HIPK1: variants seen among roughly 807,000 people sequenced by gnomAD.
HIPK1 encodes homeodomain-interacting protein kinase 1.
A neutral mutation model predicts 117.1 loss-of-function variants in HIPK1; 28 were observed. The ratio of observed to expected loss-of-function variants is 0.24; its 90% CI spans 0.18 to 0.33. The LOEUF is 0.33. Among genes scored for constraint, HIPK1 ranks in the 10% least tolerant of loss-of-function variants. The pLI, the probability that HIPK1 is intolerant of heterozygous loss-of-function variation, is 1.00. For synonymous variants in HIPK1, 605 were observed against 562.5 expected (o/e 1.08, Z -1.07); for missense variants, 1,122 against 1,475.1 (o/e 0.76, Z 3.92).
chr1:113,966,202 C>T lies in HIPK1; in HGVS notation c.2311C>T (p.His771Tyr). The part of the protein sequence containing the change: ...TWQQLPGVAL[H>Y]NSVQPTAMIP... ...GCAACAGTTGCCTGGGGTAGCTCTA[C>T]ACAACTCTGTCCAGCCCACAGCAAT... Residue 771 changes from histidine to tyrosine, a missense_variant, in exon 11 of 16, where the codon CAC becomes TAC. Coordinates refer to ENST00000426820, the MANE Select transcript of HIPK1 (RefSeq NM_198268.3). 6.2e-7 allele frequency: 1 copy of T among 1,614,132 alleles called. No individual in the cohort carries two copies. The highest frequency in any genetic ancestry group is 8.5e-7 in the Non-Finnish European group (1 of 1,179,984).
intron 1 of HIPK1, 179 bp downstream of exon 1, chr1:113,929,711 A>AG (rs1669709574): frequency 2.5e-6 from 2 of 803,138 alleles, no homozygotes; most frequent in African/African-American, 2.1e-5. Flanking sequence ...CGCGGGGCTG[A>AG]GGCGGCGGCG....
At chr1:113,938,606 T>C (rs373743130) in intron 1 of HIPK1, among the ~76,000 whole-genome samples, 31 of 152,064 alleles carry the variant, frequency 2.0e-4, no homozygotes, top group African/African-American at 7.2e-4. Context: ...GAAAAAGGGC[T>C]GATTTGAAAT....
rs1670644213 is a variant in HIPK1, at chr1:113,941,650, C to T, written c.1076+191C>T. ...TTTATTTCTGAAATTTTATCTAGCA[C>T]TGGAAAAATTAACTCAGTCTGATTC... On this transcript the variant is annotated intron_variant, in intron 2 of 15. Coordinates refer to ENST00000426820, the MANE Select transcript of HIPK1 (RefSeq NM_198268.3). The surrounding 1 kb of genome is among the most constrained non-coding windows in gnomAD (Gnocchi z 4.9). Among the ~76,000 whole-genome samples the T allele has an allele frequency of 6.6e-6, 1 of 152,144 alleles. No individual in the cohort carries two copies. Among genetic ancestry groups the T allele is most frequent in the Non-Finnish European group, 1.5e-5 (1 of 68,028 alleles).
chr1:113,958,033 ACAAG>A lies in HIPK1; in HGVS notation c.1756-32_1756-29del. The stretch of plus-strand genomic sequence containing the variant: ...AAATTATTGTGTGTCTCTACTTAAT[ACAAG>A]TGTACAAATATAATCCTTTTGTTTT... On this transcript the variant is annotated intron_variant, in intron 7 of 15. Coordinates refer to ENST00000426820, the MANE Select transcript of HIPK1 (RefSeq NM_198268.3). The A allele has an allele frequency of 7.7e-6, 11 of 1,420,676 alleles. 1 individual carries two copies. In the South Asian group the frequency reaches 1.3e-4, roughly 16 times the overall value. The allele number at this position is 1,420,676 out of a possible 1,614,324, so 88.0% of individuals were successfully genotyped here.
At chr1:113,934,467 A>T (rs1558122965) in intron 1 of HIPK1, among the ~76,000 whole-genome samples, 1 of 152,162 alleles carries the variant, frequency 6.6e-6, no homozygotes, top group Non-Finnish European at 1.5e-5. Flanking sequence ...GATTCTAGCT[A>T]TTATCTTTTA....
intron 7 of HIPK1, 80 bp downstream of exon 7, chr1:113,957,366 A>G (rs1671793509): frequency 1.7e-6 from 2 of 1,198,748 alleles, no homozygotes; most frequent in Non-Finnish European, 1.2e-6. Context: ...TAAAGAACCA[A>G]TTTTTGTTTT....
intron 1 of HIPK1, chr1:113,930,073 G>T (rs1057311458): frequency 4.5e-5 from 43 of 954,476 alleles, no homozygotes; most frequent in Non-Finnish European, 5.2e-5. Context: ...AAGGGCCCCT[G>T]CCTGGGACCG....
At chr1:113,933,640 T>A (rs550367498) in intron 1 of HIPK1, among the ~76,000 whole-genome samples, 5 of 152,044 alleles carry the variant, frequency 3.3e-5, no homozygotes, top group African/African-American at 1.2e-4. Context: ...GAGGCTGAGG[T>A]AGGTGGATCA....
chr1:113,957,939 T>G (rs947357656), intron 7 of HIPK1, 127 bp from the exon 8 acceptor site: 10 of 711,058 alleles, frequency 1.4e-5, no homozygotes, highest in Non-Finnish European at 2.3e-5. Flanking sequence ...AGAGAGTTAT[T>G]TCAGAGGCAG....
intron 10 of HIPK1, 32 bp downstream of exon 10, chr1:113,963,553 G>A (rs770266921): frequency 3.2e-6 from 5 of 1,565,546 alleles, no homozygotes; most frequent in Non-Finnish European, 3.5e-6. Flanking sequence ...TGTTACTAAC[G>A]GAGTTTCTTT....
intron 1 of HIPK1, among the ~76,000 whole-genome samples, chr1:113,935,763 T>G (rs1670210140): frequency 6.6e-6 from 1 of 152,258 alleles, no homozygotes; most frequent in Non-Finnish European, 1.5e-5. Context: ...TTTGCATTTC[T>G]CTAATGATTA....
chr1:113,936,680 G>A (rs1393835216), intron 1 of HIPK1, among the ~76,000 whole-genome samples: 1 of 152,182 alleles, frequency 6.6e-6, no homozygotes, highest in East Asian at 1.9e-4. Context: ...GGTCAGGTTG[G>A]TCTCGAACTC....
chr1:113,938,061 C>T (rs1670365646), intron 1 of HIPK1, among the ~76,000 whole-genome samples: 1 of 151,342 alleles, frequency 6.6e-6, no homozygotes, highest in South Asian at 2.1e-4. Flanking sequence ...ATGTCCCAGA[C>T]TCAGATGATT....
chr1:113,934,989 C>CAAAA (rs752015521), intron 1 of HIPK1, among the ~76,000 whole-genome samples: 27 of 67,766 alleles, frequency 4.0e-4, no homozygotes, highest in African/African-American at 1.6e-3. Flanking sequence ...GAACCTGTCT[C>CAAAA]AAAAAAAAAA....
intron 15 of HIPK1, 118 bp from the exon 16 acceptor site, chr1:113,972,906 T>G: frequency 9.5e-7 from 1 of 1,052,978 alleles, no homozygotes; most frequent in Admixed American, 2.9e-5. Flanking sequence ...GTGTGGGAGA[T>G]TATGTGCTAT....
At position 113,956,720 on chromosome 1, in the gene HIPK1, A is replaced by G. The variant is rs1302128952; in HGVS notation, c.1501A>G (p.Ile501Val). 6.2e-7 allele frequency: 1 copy of G among 1,613,868 alleles called. No individual in the cohort carries two copies. Among genetic ancestry groups the G allele is most frequent in the Non-Finnish European group, 8.5e-7 (1 of 1,179,852 alleles). ...TGATCTGTTAAAGAAAATGCTCACA[A>G]TTGATGCAGATAAGAGAATTACCCC... is the stretch of plus-strand genomic sequence containing the variant. ...YIDLLKKMLT[I>V]DADKRITPLK... Residue 501 changes from isoleucine (I) to valine (V), a missense_variant, in exon 6 of 16, where the codon ATT becomes GTT. By Grantham distance (29) the Ile-to-Val change is conservative. Around this residue, in one of 6 missense-constraint regions of HIPK1, gnomAD observed 127 missense variants for 197.9 expected, o/e 0.64. Coordinates refer to ENST00000426820, the MANE Select transcript of HIPK1 (RefSeq NM_198268.3).
intron 1 of HIPK1, among the ~76,000 whole-genome samples, chr1:113,931,671 C>G (rs1669907186): frequency 6.6e-6 from 1 of 152,266 alleles, no homozygotes; most frequent in East Asian, 1.9e-4. Context: ...TCAAAGTTCA[C>G]AATTCTTTGG....
At chr1:113,966,356 T>A (rs1672446961) in intron 11 of HIPK1, 84 bp downstream of exon 11, 3 of 1,291,066 alleles carry the variant, frequency 2.3e-6, no homozygotes, top group Non-Finnish European at 3.1e-6. Flanking sequence ...GAGAGACTAG[T>A]AAGAAAATAA....
chr1:113,973,671 A>C lies in HIPK1; in HGVS notation c.*159A>C. The C allele has an allele frequency of 1.3e-6, 1 of 745,052 alleles. No individual in the cohort carries two copies. The highest frequency in any genetic ancestry group is 2.1e-6 in the Non-Finnish European group (1 of 484,204). The allele number at this position is 745,052 out of a possible 1,614,324, so 46.2% of individuals were successfully genotyped here. A position where few individuals can be genotyped will look rare whatever the true frequency, so the allele number is the denominator to read the frequency against. On this transcript the variant is annotated 3_prime_UTR_variant, in exon 16 of 16. Transcript: ENST00000426820. ...GAAGCAGAAGGTTTTTCTCTGGGGG[A>C]ACCTGTCTCAGTGTTGACTGCATTG...
Sources: allele counts gnomAD v4.1 joint callset (sites outside exome capture counted in the v4.1 genomes callset), GRCh38; gene constraint gnomAD v4.1.1; regional missense constraint gnomAD v4.1.1; non-coding constraint Gnocchi (gnomAD v3.1); transcripts MANE v1.5; gene names NCBI Gene and HGNC (gene_info 2026-07-23, HGNC 2026-07-21).